The following ZFP30 variants were observed in gnomAD, a reference collection of about 807,000 sequenced individuals.
The protein encoded by ZFP30 is zinc finger protein 30 homolog.
Under a neutral mutation model 12.3 loss-of-function variants are expected in ZFP30, and 16 were observed. That is an observed-to-expected ratio of 1.30 (90% CI 0.88 to 1.98). The LOEUF (loss-of-function observed/expected upper bound fraction) is 1.98, where lower values mean the gene tolerates loss of function less well. ZFP30 is among the 30% of genes most tolerant of loss of function. ZFP30 has a pLI of 0.00. For missense variants in ZFP30, 560 were observed against 611.2 expected (o/e 0.92, Z 0.88); for synonymous variants, 172 against 201.0 (o/e 0.86, Z 1.22).
At chr19:37,640,720 C>CAAAATAAAAT (rs3079426) in intron 5 of ZFP30, among the ~76,000 whole-genome samples, 1 of 149,336 alleles carries the variant, frequency 6.7e-6, no homozygotes, top group African/African-American at 2.5e-5. Context: ...AACCTCGTCT[C>CAAAATAAAAT]AAAATAAAAT....
rs759169223 is a variant in ZFP30 at position 37,644,659 on chromosome 19, A to G, written c.87T>C (p.Asn29=). The part of the protein sequence containing the change: ...EWECLNSYQR[N]LYRDVILENY... ...TCTCTAATATCACATCTCTGTACAA[A>G]TTCCTCTGATATGAGTTCAGGCATT... The change falls in exon 4 of 6, where the codon AAT becomes AAC. Residue 29 remains asparagine (N), a synonymous_variant. Coordinates refer to ENST00000684514, the MANE Select transcript of ZFP30 (RefSeq NM_001320669.3). The G allele has an allele frequency of 1.8e-5, 29 of 1,612,978 alleles. No individual in the cohort carries two copies. The highest frequency in any genetic ancestry group is 8.4e-5 in the Admixed American group (5 of 59,840).
chr19:37,631,115 C>T lies in ZFP30; in HGVS notation c.*3866G>A, dbSNP rs1436591486. 1 of 152,192 alleles carries T rather than the reference C, an allele frequency of 6.6e-6. No individual in the cohort carries two copies. Among genetic ancestry groups the T allele is most frequent in the Non-Finnish European group, 1.5e-5 (1 of 68,038 alleles). The allele number at this position is 152,192 out of a possible 1,614,324, so 9.4% of individuals were successfully genotyped here. On this transcript the variant is annotated 3_prime_UTR_variant, in exon 6 of 6. Transcript: ENST00000684514. ...ACATCCAGGGAAACATACCTCACAT[C>T]CACCTTCCAACACAACTAACCACCT...
chr19:37,647,252 C>G (rs2044561295), intron 3 of ZFP30, among the ~76,000 whole-genome samples: 1 of 152,176 alleles, frequency 6.6e-6, no homozygotes, highest in South Asian at 2.1e-4. Context: ...TTGGTCAATG[C>G]ACACATGGAT....
intron 5 of ZFP30, among the ~76,000 whole-genome samples, chr19:37,640,491 T>G (rs994932517): frequency 6.6e-6 from 1 of 150,992 alleles, no homozygotes; most frequent in African/African-American, 2.4e-5. Context: ...TCAAAGAGTT[T>G]AGTCTAGTAA....
At position 37,635,227 on chromosome 19, in the gene ZFP30, A is replaced by G. The variant is rs750235541; in HGVS notation, c.1314T>C (p.Phe438=). Residue 438 remains phenylalanine (F), a synonymous_variant, in exon 6 of 6, where the codon TTT becomes TTC. Transcript: ENST00000684514. The part of the protein sequence containing the change: ...HQSIHFGEKP[F]KCKECEKTFR... The stretch of plus-strand genomic sequence containing the variant: ...AAGTCTTCTCACATTCCTTACACTT[A>G]AAGGGTTTCTCACCAAAATGAATAC... 3.1e-6 allele frequency: 5 copies of G among 1,614,042 alleles called. No individual in the cohort carries two copies. The South Asian group carries it at 4.4e-5, about 14-fold the overall frequency.
At chr19:37,646,382 C>G (rs1185105114) in intron 3 of ZFP30, among the ~76,000 whole-genome samples, 1 of 152,068 alleles carries the variant, frequency 6.6e-6, no homozygotes, top group African/African-American at 2.4e-5. Flanking sequence ...ATATCTAAAG[C>G]TGCTTCAATG....
rs528163698 is a variant in ZFP30 at position 37,640,760 on chromosome 19, TAATAA to T, written c.235+2500_235+2504del. Among the ~76,000 whole-genome samples the T allele has an allele frequency of 5.9e-4, 89 of 151,580 alleles. 1 individual carries two copies. The highest frequency in any genetic ancestry group is 1.2e-3 in the African/African-American group (50 of 41,448). ...TAAAATAAAATAAAGTAAAATAAAA[TAATAA>T]AATAAAATAAAATAGGGAGCAAATT... is the stretch of plus-strand genomic sequence containing the variant. On this transcript the variant is annotated intron_variant, in intron 5 of 5. Coordinates refer to ENST00000684514, the MANE Select transcript of ZFP30 (RefSeq NM_001320669.3).
Position 37,633,871 on chromosome 19 carries a change from A to G in ZFP30, c.*1110T>C, listed in dbSNP as rs2044273661. On this transcript the variant is annotated 3_prime_UTR_variant, in exon 6 of 6. Transcript: ENST00000684514. ...ATGAACAAAAGGACATTCCAGATAT[A>G]TCATCTCCTGTGTATAGACTTCAGA... is the stretch of plus-strand genomic sequence containing the variant. 1 of 152,210 alleles carries G rather than the reference A, an allele frequency of 6.6e-6. No homozygotes were observed. The highest frequency in any genetic ancestry group is 2.4e-5 in the African/African-American group (1 of 41,466). The allele number at this position is 152,210 out of a possible 1,614,324, so 9.4% of individuals were successfully genotyped here. A position where few individuals can be genotyped will look rare whatever the true frequency, so the allele number is the denominator to read the frequency against.
rs936019096 is a variant in ZFP30 at position 37,633,821 on chromosome 19, T to C, written c.*1160A>G. On this transcript the variant is annotated 3_prime_UTR_variant, in exon 6 of 6. Coordinates refer to ENST00000684514, the MANE Select transcript of ZFP30 (RefSeq NM_001320669.3). ...GGTTACCATCATTTTGCCAAACTTGTTATTCATCCTCATTTTTCTTTTGTA... is the reference window on the plus strand; with the variant it reads ...GGTTACCATCATTTTGCCAAACTTGCTATTCATCCTCATTTTTCTTTTGTA... 7.2e-5 allele frequency: 11 copies of C among 152,344 alleles called. No individual in the cohort carries two copies. The East Asian group carries it at 1.2e-3, about 16-fold the overall frequency. The allele number at this position is 152,344 out of a possible 1,614,324, so 9.4% of individuals were successfully genotyped here. A position where few individuals can be genotyped will look rare whatever the true frequency, so the allele number is the denominator to read the frequency against.
Position 37,633,246 on chromosome 19 carries a change from G to A in ZFP30, c.*1735C>T, listed in dbSNP as rs920694229. On this transcript the variant is annotated 3_prime_UTR_variant, in exon 6 of 6. Coordinates refer to ENST00000684514, the MANE Select transcript of ZFP30 (RefSeq NM_001320669.3). Reference sequence around the variant, plus strand: ...AGAGAGGTCAACTAAATAAAATGTGGACCTACATTTTAACTTCCTGAATAC... The same window carrying A: ...AGAGAGGTCAACTAAATAAAATGTGAACCTACATTTTAACTTCCTGAATAC... 1 of 151,936 alleles carries A rather than the reference G, an allele frequency of 6.6e-6. No individual in the cohort carries two copies. The highest frequency in any genetic ancestry group is 2.4e-5 in the African/African-American group (1 of 41,340). The allele number at this position is 151,936 out of a possible 1,614,324, so 9.4% of individuals were successfully genotyped here. A position where few individuals can be genotyped will look rare whatever the true frequency, so the allele number is the denominator to read the frequency against.
Position 37,641,794 on chromosome 19 carries a change from A to T in ZFP30, c.235+1471T>A, listed in dbSNP as rs2044441130. On this transcript the variant is annotated intron_variant, in intron 5 of 5. Transcript: ENST00000684514. ...CAGAGTTCACAGAATACAACTGTTG[A>T]CGTGTCTTTTACATCTCTTTTAATC... 3.9e-5 allele frequency among the ~76,000 whole-genome samples: 6 copies of T among 152,240 alleles called. No homozygotes were observed. In the South Asian group the frequency reaches 1.2e-3, roughly 31 times the overall value.
chr19:37,635,828 C>T lies in ZFP30; in HGVS notation c.713G>A (p.Gly238Asp). ...DLRVHQRIHI[G>D]EKPYECKECG... ...TTCTTTACATTCATACGGCTTCTCA[C>T]CAATATGAATTCTCTGATGTACTCG... is the stretch of plus-strand genomic sequence containing the variant. The change falls in exon 6 of 6, where the codon GGT (glycine) becomes GAT (aspartate). Residue 238 changes from glycine (G) to aspartate (D), a missense_variant. Gly to Asp is a moderately conservative substitution (Grantham distance 94). Coordinates refer to ENST00000684514, the MANE Select transcript of ZFP30 (RefSeq NM_001320669.3). 1 of 1,614,172 alleles carries T rather than the reference C, an allele frequency of 6.2e-7. No individual in the cohort carries two copies. Among genetic ancestry groups the T allele is most frequent in the Non-Finnish European group, 8.5e-7 (1 of 1,180,042 alleles).
rs140596924 is a variant in ZFP30 at position 37,635,215 on chromosome 19, T to C, written c.1326A>G (p.Glu442=). 14 of 1,613,774 alleles carry C rather than the reference T, an allele frequency of 8.7e-6. No individual in the cohort carries two copies. The highest frequency in any genetic ancestry group is 1.3e-5 in the African/African-American group (1 of 74,916). The part of the protein sequence containing the change: ...HFGEKPFKCK[E]CEKTFRLLSQ... ...AAAGCAGTCTAAAAGTCTTCTCACA[T>C]TCCTTACACTTAAAGGGTTTCTCAC... The change falls in exon 6 of 6, where the codon GAA becomes GAG. Residue 442 remains glutamate (E), a synonymous_variant. Coordinates refer to ENST00000684514, the MANE Select transcript of ZFP30 (RefSeq NM_001320669.3).
At position 37,633,794 on chromosome 19, in the gene ZFP30, T is replaced by C. The variant is rs1410855194; in HGVS notation, c.*1187A>G. 1 of 152,192 alleles carries C rather than the reference T, an allele frequency of 6.6e-6. No individual in the cohort carries two copies. The highest frequency in any genetic ancestry group is 1.5e-5 in the Non-Finnish European group (1 of 68,024). The allele number at this position is 152,192 out of a possible 1,614,324, so 9.4% of individuals were successfully genotyped here. ...AAATAAAAACCATGTATCCAAGACT[T>C]AGGTTACCATCATTTTGCCAAACTT... On this transcript the variant is annotated 3_prime_UTR_variant, in exon 6 of 6. Coordinates refer to ENST00000684514, the MANE Select transcript of ZFP30 (RefSeq NM_001320669.3).
At chr19:37,649,878 G>A (rs2044615136) in intron 2 of ZFP30, among the ~76,000 whole-genome samples, 1 of 151,982 alleles carries the variant, frequency 6.6e-6, no homozygotes, top group South Asian at 2.1e-4. Flanking sequence ...CATTAAAAAT[G>A]AAGATAAAAT....
At position 37,634,649 on chromosome 19, in the gene ZFP30, T is replaced by C. The variant is rs745586239; in HGVS notation, c.*332A>G. 1 of 202,902 alleles carries C rather than the reference T, an allele frequency of 4.9e-6. No homozygotes were observed. The highest frequency in any genetic ancestry group is 9.8e-6 in the Non-Finnish European group (1 of 102,490). 12.6% of individuals were successfully genotyped at this position (202,902 alleles called of 1,614,324 possible). A position where few individuals can be genotyped will look rare whatever the true frequency, so the allele number is the denominator to read the frequency against. ...AAATGACTTTCCTTTCATTTACACA[T>C]TTTCAGAATGAAGTGGTTCCCTAGC... is the stretch of plus-strand genomic sequence containing the variant. On this transcript the variant is annotated 3_prime_UTR_variant, in exon 6 of 6. Transcript: ENST00000684514.
chr19:37,637,201 T>C lies in ZFP30; in HGVS notation c.236-896A>G, dbSNP rs75179594. On this transcript the variant is annotated intron_variant, in intron 5 of 5. Coordinates refer to ENST00000684514, the MANE Select transcript of ZFP30 (RefSeq NM_001320669.3). Reference sequence around the variant, plus strand: ...AGTCACTTCTTTCTTTTTTCTTTTTTTCTTTTTTTTTTTTTTTTTAAAGAC... The same window carrying C: ...AGTCACTTCTTTCTTTTTTCTTTTTCTCTTTTTTTTTTTTTTTTTAAAGAC... Among the ~76,000 whole-genome samples the C allele has an allele frequency of 1.4e-3, 207 of 151,290 alleles. 2 individuals are homozygous for C. The highest frequency in any genetic ancestry group is 4.7e-3 in the African/African-American group (194 of 41,208).
chr19:37,645,356 T>C (rs2044522751), intron 3 of ZFP30, among the ~76,000 whole-genome samples: 1 of 152,132 alleles, frequency 6.6e-6, no homozygotes, highest in Non-Finnish European at 1.5e-5. Flanking sequence ...GCAGAATATG[T>C]GTTCTTGAAG....
chr19:37,649,567 C>T (rs998628565), intron 2 of ZFP30, among the ~76,000 whole-genome samples: 3 of 152,022 alleles, frequency 2.0e-5, no homozygotes, highest in African/African-American at 7.2e-5. Flanking sequence ...CAGTGGCTCA[C>T]ACCTGTAATC....
Sources: gnomAD v4.1 joint callset for allele counts (sites outside exome capture counted in the v4.1 genomes callset) on GRCh38, gnomAD v4.1.1 for gene constraint, MANE v1.5 for transcripts, NCBI Gene and HGNC (gene_info 2026-07-23, HGNC 2026-07-21) for gene names.